The following OTUD7B variants were observed in gnomAD, a reference collection of about 807,000 sequenced individuals.
OTUD7B encodes the protein OTU domain-containing protein 7B.
A neutral mutation model predicts 82.2 loss-of-function variants in OTUD7B; 34 were observed. That is an observed-to-expected ratio of 0.41 (90% CI 0.31 to 0.55). The LOEUF is 0.55. Ranked by LOEUF, OTUD7B falls within the 20% of genes least tolerant of loss-of-function variation. OTUD7B has a pLI of 0.20. For missense variants in OTUD7B, 944 were observed against 1,062.1 expected, an observed-to-expected ratio of 0.89 and a Z score of 1.55; for synonymous variants, 398 against 402.7, an observed-to-expected ratio of 0.99 and a Z score of 0.14.
Position 149,971,142 on chromosome 1 carries a change from G to A in OTUD7B, c.195C>T (p.Thr65=), listed in dbSNP as rs782447664. 7 of 1,613,434 alleles carry A rather than the reference G, an allele frequency of 4.3e-6. No homozygotes were observed. The highest frequency in any genetic ancestry group is 5.9e-6 in the Non-Finnish European group (7 of 1,179,544). Residue 65 remains threonine (T), a synonymous_variant, in exon 3 of 12, where the codon ACC becomes ACT. Coordinates refer to ENST00000581312, the MANE Select transcript of OTUD7B (RefSeq NM_020205.4). The part of the protein sequence containing the change: ...SFSEGSGGSR[T]PEKGFSDREP... Reference sequence around the variant, plus strand: ...CTCTGTCAGAAAACCCTTTTTCAGGGGTCCTGGAGCCACCACTCCCCTCAC... The same window carrying A: ...CTCTGTCAGAAAACCCTTTTTCAGGAGTCCTGGAGCCACCACTCCCCTCAC...
intron 1 of OTUD7B, among the ~76,000 whole-genome samples, chr1:150,009,108 C>A (rs988071177): frequency 1.3e-5 from 2 of 152,088 alleles, no homozygotes; most frequent in African/African-American, 2.4e-5. Flanking sequence ...ATAATTAATT[C>A]TTCATTGTTT....
intron 7 of OTUD7B, among the ~76,000 whole-genome samples, chr1:149,956,367 C>A (rs1296512262): frequency 6.6e-6 from 1 of 152,186 alleles, no homozygotes; most frequent in Non-Finnish European, 1.5e-5. Context: ...TTGGCCCCCA[C>A]GCTCTTCTGG....
chr1:150,014,868 C>G (rs782306353), upstream of OTUD7B, among the ~76,000 whole-genome samples: 8 of 152,034 alleles, frequency 5.3e-5, no homozygotes, highest in Non-Finnish European at 7.4e-5. Flanking sequence ...GGCTGTTACA[C>G]ACAGACATCA....
At chr1:150,018,147 T>G in the OTUD7B span, among the ~76,000 whole-genome samples, 1 of 152,092 alleles carries the variant, frequency 6.6e-6, no homozygotes, top group African/African-American at 2.4e-5. Context: ...TAAAAAGAGA[T>G]AAAATCCTGA....
At chr1:149,945,167 G>A (rs1647626324) in intron 11 of OTUD7B, 102 bp from the exon 12 acceptor site, 1 of 1,446,702 alleles carries the variant, frequency 6.9e-7, no homozygotes, top group Admixed American at 2.6e-5. Flanking sequence ...GGAGCTCCCT[G>A]CAGCCATGGC....
the OTUD7B span, among the ~76,000 whole-genome samples, chr1:150,025,065 A>C: frequency 6.6e-6 from 1 of 151,504 alleles, no homozygotes; most frequent in Non-Finnish European, 1.5e-5. Flanking sequence ...AAAACAAAAC[A>C]AAACAAACAA....
the OTUD7B span, among the ~76,000 whole-genome samples, chr1:150,055,730 G>A: frequency 6.6e-6 from 1 of 152,236 alleles, no homozygotes; most frequent in African/African-American, 2.4e-5. Context: ...CATGTCTTTT[G>A]CAGGTACATG....
At chr1:150,053,426 C>G in the OTUD7B span, among the ~76,000 whole-genome samples, 2 of 148,968 alleles carry the variant, frequency 1.3e-5, no homozygotes, top group Admixed American at 1.3e-4. Flanking sequence ...GACTGAGTTT[C>G]CCTCTTGTCA....
At position 149,994,581 on chromosome 1, in the gene OTUD7B, T is replaced by G. The variant is rs1651801153; in HGVS notation, c.-67+15867A>C. Reference sequence around the variant, plus strand: ...AGCCTGGTGACAGAGCAAGACTCCATCTCAAAAAAAAAAAAAAAAAAAAAA... The same window carrying G: ...AGCCTGGTGACAGAGCAAGACTCCAGCTCAAAAAAAAAAAAAAAAAAAAAA... On this transcript the variant is annotated intron_variant, in intron 1 of 11. Transcript: ENST00000581312. Among the ~76,000 whole-genome samples the G allele has an allele frequency of 1.3e-4, 10 of 79,192 alleles. No homozygotes were observed. In the Admixed American group the frequency reaches 1.5e-3, roughly 12 times the overall value. 52.0% of individuals were successfully genotyped at this position (79,192 alleles called of 152,430 possible). A position where few individuals can be genotyped will look rare whatever the true frequency, so the allele number is the denominator to read the frequency against.
intron 1 of OTUD7B, among the ~76,000 whole-genome samples, chr1:149,996,445 T>C (rs74126205): frequency 0.012 from 1,879 of 152,332 alleles, 45 homozygotes; most frequent in African/African-American, 0.043. Context: ...ACATCCAATA[T>C]ATGTAAACAG....
At chr1:150,029,096 T>C in the OTUD7B span, among the ~76,000 whole-genome samples, 1 of 152,216 alleles carries the variant, frequency 6.6e-6, no homozygotes, top group African/African-American at 2.4e-5. Flanking sequence ...GTATCGGCTA[T>C]ATTCAATAAA....
At chr1:149,951,193 G>T (rs1255788370) in intron 7 of OTUD7B, among the ~76,000 whole-genome samples, 4 of 151,624 alleles carry the variant, frequency 2.6e-5, no homozygotes, top group African/African-American at 7.3e-5. Flanking sequence ...CCGTGGTCTC[G>T]ATCTCCTGAC....
At chr1:149,969,700 A>T (rs1279835323) in intron 3 of OTUD7B, among the ~76,000 whole-genome samples, 5 of 152,136 alleles carry the variant, frequency 3.3e-5, no homozygotes, top group African/African-American at 1.2e-4. Context: ...CTTTTTGAAA[A>T]AAATTATATA....
In OTUD7B at chr1:149,966,142, G is replaced by A. The variant is rs587609419; in HGVS notation, c.503-264C>T. Among the ~76,000 whole-genome samples, 6 of 152,336 alleles carry A rather than the reference G, an allele frequency of 3.9e-5. 1 individual carries two copies. In the South Asian group the frequency reaches 1.2e-3, roughly 32 times the overall value. ...AAGATATGTTTGCATGTCACAACTG[G>A]TAGCAGGATGCTACTGGTATCTAAT... On this transcript the variant is annotated intron_variant, in intron 4 of 11. Transcript: ENST00000581312.
rs1571593883 is a variant in OTUD7B at position 149,948,899 on chromosome 1, C to T, written c.1238+70G>A. 5 of 1,040,494 alleles carry T rather than the reference C, an allele frequency of 4.8e-6. No individual in the cohort carries two copies. The East Asian group carries it at 1.2e-4, about 25-fold the overall frequency. 64.5% of individuals were successfully genotyped at this position (1,040,494 alleles called of 1,614,324 possible). ...TCTTGCCTGAGCTGAGGAAAAATCC[C>T]TGGGAGATGGATGCCACATGTGGAA... is the stretch of plus-strand genomic sequence containing the variant. On this transcript the variant is annotated intron_variant, in intron 10 of 11. Transcript: ENST00000581312.
At chr1:149,976,755 A>C (rs1253778602) in intron 2 of OTUD7B, among the ~76,000 whole-genome samples, 1 of 152,154 alleles carries the variant, frequency 6.6e-6, no homozygotes, top group Non-Finnish European at 1.5e-5. Context: ...GGAAAGAACA[A>C]AACCATGGAT....
chr1:149,963,556 T>A (rs1649301301), intron 6 of OTUD7B: 1 of 6,204 alleles, frequency 1.6e-4, no homozygotes, highest in African/African-American at 2.0e-4. Context: ...TTTGTTTTTT[T>A]TTGTTTTTTT....
chr1:149,974,695 A>T (rs1399501503), intron 2 of OTUD7B, among the ~76,000 whole-genome samples: 1 of 150,444 alleles, frequency 6.6e-6, no homozygotes, highest in Non-Finnish European at 1.5e-5. Context: ...AACTACAGGC[A>T]CCCGCCACCA....
chr1:149,951,911 A>G (rs1436849906), intron 7 of OTUD7B, among the ~76,000 whole-genome samples: 1 of 151,734 alleles, frequency 6.6e-6, no homozygotes, highest in South Asian at 2.1e-4. Flanking sequence ...TTTTAAACAG[A>G]AAGTTTATTA....
Sources: gnomAD v4.1 joint callset for allele counts (sites outside exome capture counted in the v4.1 genomes callset) on GRCh38, gnomAD v4.1.1 for gene constraint, MANE v1.5 for transcripts, NCBI Gene and HGNC (gene_info 2026-07-23, HGNC 2026-07-21) for gene names.